Variants in CRTC3 observed in about 807,000 individuals in gnomAD.
The protein encoded by CRTC3 is CREB regulated transcription coactivator 3, also known as CREB-regulated transcription coactivator 3.
In CRTC3, 26 loss-of-function variants were observed where a neutral mutation model predicts 74.5. That is an observed-to-expected ratio of 0.35 (90% CI 0.26 to 0.48). The LOEUF (loss-of-function observed/expected upper bound fraction) is 0.48. Ranked by LOEUF, CRTC3 falls within the 20% of genes least tolerant of loss-of-function variation. The pLI, the probability that CRTC3 is intolerant of heterozygous loss-of-function variation, is 0.99. For synonymous variants in CRTC3, 377 were observed against 325.8 expected (o/e 1.16, Z -1.69); for missense variants, 760 against 787.3 (o/e 0.97, Z 0.41).
At chr15:90,535,468 G>A (rs574904013) in intron 1 of CRTC3, among the ~76,000 whole-genome samples, 2 of 152,328 alleles carry the variant, frequency 1.3e-5, no homozygotes, top group South Asian at 2.1e-4. Flanking sequence ...GGTGCTGGGT[G>A]AAAGGCTAAT....
intron 4 of CRTC3, among the ~76,000 whole-genome samples, chr15:90,604,014 G>A (rs1195751176): frequency 6.6e-6 from 1 of 151,966 alleles, no homozygotes; most frequent in Non-Finnish European, 1.5e-5. Context: ...TCATACCCTG[G>A]GCAACTGTAA....
chr15:90,612,051 C>CTCT (rs1761797071), intron 6 of CRTC3, among the ~76,000 whole-genome samples: 2 of 146,296 alleles, frequency 1.4e-5, no homozygotes, highest in African/African-American at 5.0e-5. Flanking sequence ...CCTCCTCCTC[C>CTCT]TCCTCCGCCT....
intron 8 of CRTC3, among the ~76,000 whole-genome samples, chr15:90,619,139 A>G (rs150049208): frequency 1.2e-3 from 178 of 152,316 alleles, no homozygotes; most frequent in Middle Eastern, 0.01. Context: ...TCTCAAGCCA[A>G]TTGGAAAAGA....
At chr15:90,613,505 C>G (rs1968416333) in intron 6 of CRTC3, among the ~76,000 whole-genome samples, 2 of 152,192 alleles carry the variant, frequency 1.3e-5, no homozygotes, top group South Asian at 2.1e-4. Context: ...TTACCCTGAT[C>G]TGTCTTCTCA....
At chr15:90,610,476 C>T (rs2151085162) in intron 6 of CRTC3, among the ~76,000 whole-genome samples, 1 of 152,236 alleles carries the variant, frequency 6.6e-6, no homozygotes, top group South Asian at 2.1e-4. Context: ...AGATTTGTGT[C>T]ACAAGAAGAC....
At chr15:90,571,487 G>C (rs1967263715) in intron 2 of CRTC3, among the ~76,000 whole-genome samples, 1 of 152,180 alleles carries the variant, frequency 6.6e-6, no homozygotes, top group Non-Finnish European at 1.5e-5. Flanking sequence ...GGAGTGGTGA[G>C]AGATGAGGCT....
chr15:90,608,920 T>C (rs981935234), intron 6 of CRTC3, among the ~76,000 whole-genome samples: 2 of 152,258 alleles, frequency 1.3e-5, no homozygotes, highest in African/African-American at 4.8e-5. Flanking sequence ...CCATTCCATA[T>C]GCAGATTGAC....
At chr15:90,576,202 G>A (rs1394476773) in intron 2 of CRTC3, among the ~76,000 whole-genome samples, 5 of 152,092 alleles carry the variant, frequency 3.3e-5, no homozygotes, top group Non-Finnish European at 7.4e-5. Context: ...CCAGGAAATT[G>A]AGGCCAGCCT....
At chr15:90,633,766 C>CTCTCTCTCCTCTTTTTTATT (rs1567195374) in intron 11 of CRTC3, among the ~76,000 whole-genome samples, 47 of 152,060 alleles carry the variant, frequency 3.1e-4, no homozygotes, top group African/African-American at 1.0e-3. Context: ...TTATCCTTAT[C>CTCTCTCTCCTCTTTTTTATT]TTCTCTCTCT....
At chr15:90,567,062 G>A (rs910517527) in intron 2 of CRTC3, among the ~76,000 whole-genome samples, 2 of 152,044 alleles carry the variant, frequency 1.3e-5, no homozygotes, top group African/African-American at 4.8e-5. Flanking sequence ...ATGCCATCTA[G>A]GACTTTAATT....
At chr15:90,534,895 C>A (rs190457203) in intron 1 of CRTC3, among the ~76,000 whole-genome samples, 1 of 152,284 alleles carries the variant, frequency 6.6e-6, no homozygotes, top group East Asian at 1.9e-4. Flanking sequence ...CGCGGTGGCT[C>A]ACGCCTGTAA....
At chr15:90,561,751 G>T (rs1002754532) in intron 2 of CRTC3, among the ~76,000 whole-genome samples, 2 of 152,138 alleles carry the variant, frequency 1.3e-5, no homozygotes, top group Admixed American at 6.5e-5. Flanking sequence ...ACATGTTTTG[G>T]CTGTAGAACC....
intron 3 of CRTC3, among the ~76,000 whole-genome samples, chr15:90,596,858 A>T (rs1967938812): frequency 6.6e-6 from 1 of 152,264 alleles, no homozygotes; most frequent in Non-Finnish European, 1.5e-5. Flanking sequence ...GGAAAAAATC[A>T]GAATTATTAT....
At chr15:90,633,566 G>A (rs1206625914) in intron 11 of CRTC3, among the ~76,000 whole-genome samples, 1 of 152,166 alleles carries the variant, frequency 6.6e-6, no homozygotes, top group Non-Finnish European at 1.5e-5. Context: ...TGTCCCCAGT[G>A]TTCTGAAACT....
rs557682264 is a variant in CRTC3, at chr15:90,589,243, G to T, written c.232-4393G>T. On this transcript the variant is annotated intron_variant, in intron 2 of 14. Transcript: ENST00000268184. ...AGCTAATTTTTCTATTTTTAGTAGA[G>T]ATGGGGTTTCACCGTGTTGACCAGG... Among the ~76,000 whole-genome samples the T allele has an allele frequency of 2.1e-3, 321 of 152,218 alleles. 1 individual carries two copies. The highest frequency in any genetic ancestry group is 0.014 in the Middle Eastern group (4 of 294).
At chr15:90,597,200 T>C (rs1480158083) in intron 3 of CRTC3, among the ~76,000 whole-genome samples, 1 of 152,288 alleles carries the variant, frequency 6.6e-6, no homozygotes, top group African/African-American at 2.4e-5. Context: ...GAGAAGCTCT[T>C]CTGCCCTTCT....
chr15:90,630,317 C>G (rs1346951316), intron 11 of CRTC3, among the ~76,000 whole-genome samples: 5 of 152,152 alleles, frequency 3.3e-5, no homozygotes, highest in Non-Finnish European at 7.3e-5. Context: ...GACCTCTTCC[C>G]TAATTGTCTA....
Position 90,619,726 on chromosome 15 carries a change from A to G in CRTC3, c.700-15A>G, listed in dbSNP as rs768072100. The G allele has an allele frequency of 1.9e-6, 3 of 1,613,232 alleles. No homozygotes were observed. Among genetic ancestry groups the G allele is most frequent in the Admixed American group, 1.7e-5 (1 of 59,962 alleles). ...TTTACAGCGAGTAAGCCCAGCTTTC[A>G]TTGTCTCTTCTCAGATTCAGTCCCT... On this transcript the variant is annotated splice_polypyrimidine_tract_variant and intron_variant, in intron 8 of 14. Coordinates refer to ENST00000268184, the MANE Select transcript of CRTC3 (RefSeq NM_022769.5).
chr15:90,637,346 T>A (rs1046109033), intron 11 of CRTC3, among the ~76,000 whole-genome samples: 4 of 152,042 alleles, frequency 2.6e-5, no homozygotes, highest in Non-Finnish European at 4.4e-5. Context: ...TAGGTGGGAA[T>A]TGAACAATGA....
Sources: allele counts gnomAD v4.1 joint callset (sites outside exome capture counted in the v4.1 genomes callset), GRCh38; gene constraint gnomAD v4.1.1; transcripts MANE v1.5; gene names NCBI Gene and HGNC (gene_info 2026-07-23, HGNC 2026-07-21).